The following GMDS variants were observed in gnomAD, a reference collection of about 807,000 sequenced individuals.
GMDS encodes the protein GDP-mannose 4,6 dehydratase.
A neutral mutation model predicts 49.9 loss-of-function variants in GMDS; 20 were observed. That is an observed-to-expected ratio of 0.40 (90% confidence interval 0.28 to 0.58). GMDS has a LOEUF of 0.58. Ranked by LOEUF, GMDS falls within the 20% of genes least tolerant of loss-of-function variation. The pLI, the probability that GMDS is intolerant of heterozygous loss-of-function variation, is 0.42. For missense variants in GMDS, 362 were observed against 481.4 expected, an observed-to-expected ratio of 0.75 and a Z score of 2.32; for synonymous variants, 177 against 178.6, an observed-to-expected ratio of 0.99 and a Z score of 0.07.
chr6:1,709,886 C>T (rs1368254824), intron 9 of GMDS, among the ~76,000 whole-genome samples: 1 of 152,190 alleles, frequency 6.6e-6, no homozygotes, highest in African/African-American at 2.4e-5. Context: ...CTAAACCTGC[C>T]TAACTCGACT....
intron 6 of GMDS, among the ~76,000 whole-genome samples, chr6:1,946,943 C>A (rs965006336): frequency 7.2e-5 from 11 of 152,216 alleles, no homozygotes; most frequent in African/African-American, 2.4e-4. Flanking sequence ...ATTTTAATAA[C>A]CATCAATCTT....
intron 9 of GMDS, among the ~76,000 whole-genome samples, chr6:1,683,950 G>C (rs1043921696): frequency 1.3e-5 from 2 of 149,600 alleles, no homozygotes; most frequent in African/African-American, 4.9e-5. Flanking sequence ...TCAGCTATGA[G>C]GGTGGGGTTT....
intron 1 of GMDS, among the ~76,000 whole-genome samples, chr6:2,243,495 C>G (rs955436147): frequency 6.6e-6 from 1 of 152,118 alleles, no homozygotes; most frequent in Non-Finnish European, 1.5e-5. Flanking sequence ...ATTAGGTAAA[C>G]TTGGTAAACA....
rs1442214227 is a variant in GMDS, at chr6:2,052,126, AAAAAG to A, written c.345+63640_345+63644del. Among the ~76,000 whole-genome samples the A allele has an allele frequency of 3.0e-3, 417 of 140,902 alleles. 14 individuals carry two copies. The highest frequency in any genetic ancestry group is 6.7e-3 in the African/African-American group (232 of 34,878). 92.4% of individuals were successfully genotyped at this position (140,902 alleles called of 152,430 possible). A position where few individuals can be genotyped will look rare whatever the true frequency, so the allele number is the denominator to read the frequency against. On this transcript the variant is annotated intron_variant, in intron 4 of 10. Transcript: ENST00000380815. ...AGCAAGACTCTGTCTCAAAAAAAAA[AAAAAG>A]AAAAAAAAAAAACAGAAAAGAAAAA...
chr6:2,096,865 TATTAC>T (rs1234297544), intron 4 of GMDS, among the ~76,000 whole-genome samples: 1 of 152,154 alleles, frequency 6.6e-6, no homozygotes, highest in African/African-American at 2.4e-5. Context: ...TGTGTACGTA[TATTAC>T]ATGTATGTGT....
chr6:1,986,114 T>A (rs865778302), intron 4 of GMDS, among the ~76,000 whole-genome samples: 17 of 152,242 alleles, frequency 1.1e-4, no homozygotes, highest in African/African-American at 3.9e-4. Context: ...ATAACATTGC[T>A]TTCCTTGAAG....
chr6:1,646,881 G>A (rs948638352), intron 9 of GMDS, among the ~76,000 whole-genome samples: 1 of 152,200 alleles, frequency 6.6e-6, no homozygotes, highest in Middle Eastern at 3.2e-3. Context: ...CATGTGGTGG[G>A]GGGTGGGGTG....
intron 9 of GMDS, among the ~76,000 whole-genome samples, chr6:1,702,582 A>G (rs184951267): frequency 5.7e-4 from 87 of 152,348 alleles, no homozygotes; most frequent in Admixed American, 4.8e-3. Context: ...AGAGCCTTGG[A>G]GAGAAGCCAC....
At chr6:1,779,602 G>A (rs551971768) in intron 7 of GMDS, among the ~76,000 whole-genome samples, 10 of 152,190 alleles carry the variant, frequency 6.6e-5, no homozygotes, top group East Asian at 3.9e-4. Flanking sequence ...GTGTGAAAAC[G>A]AATGTCCTCT....
chr6:2,060,596 C>T (rs536942647), intron 4 of GMDS, among the ~76,000 whole-genome samples: 132 of 152,146 alleles, frequency 8.7e-4, no homozygotes, highest in African/African-American at 3.0e-3. Flanking sequence ...GAAGAATAAA[C>T]AACAGATAAG....
At chr6:1,828,388 A>G (rs929601016) in intron 7 of GMDS, among the ~76,000 whole-genome samples, 4 of 152,212 alleles carry the variant, frequency 2.6e-5, no homozygotes, top group African/African-American at 9.6e-5. Context: ...TTGAAGAAGT[A>G]ATGGTTGATA....
intron 7 of GMDS, among the ~76,000 whole-genome samples, chr6:1,810,885 A>G (rs1269231391): frequency 6.6e-6 from 1 of 152,230 alleles, no homozygotes; most frequent in Non-Finnish European, 1.5e-5. Flanking sequence ...AATGGAAACT[A>G]AAAACATACC....
chr6:1,643,659 A>G (rs1170651790), intron 9 of GMDS, among the ~76,000 whole-genome samples: 1 of 151,796 alleles, frequency 6.6e-6, no homozygotes, highest in Non-Finnish European at 1.5e-5. Flanking sequence ...GGTGGGGGGG[A>G]CACTGGGGAC....
intron 7 of GMDS, among the ~76,000 whole-genome samples, chr6:1,849,659 CTGT>C (rs796267032): frequency 4.6e-5 from 7 of 152,264 alleles, no homozygotes; most frequent in African/African-American, 1.7e-4. Context: ...CCTAGAATTA[CTGT>C]TGTTGTAGCT....
At chr6:1,702,336 T>C (rs1386479915) in intron 9 of GMDS, among the ~76,000 whole-genome samples, 2 of 152,242 alleles carry the variant, frequency 1.3e-5, no homozygotes, top group Non-Finnish European at 2.9e-5. Context: ...AGTCAGAGCA[T>C]AGCCTGGCCT....
chr6:1,782,711 A>G (rs1052172490), intron 7 of GMDS, among the ~76,000 whole-genome samples: 1 of 152,268 alleles, frequency 6.6e-6, no homozygotes, highest in Non-Finnish European at 1.5e-5. Context: ...GGGTGAAATG[A>G]GAACATAGAT....
chr6:1,792,090 T>A (rs1358163475), intron 7 of GMDS, among the ~76,000 whole-genome samples: 1 of 152,210 alleles, frequency 6.6e-6, no homozygotes, highest in Non-Finnish European at 1.5e-5. Context: ...TTCCCCTCTA[T>A]AATTACTTCT....
chr6:1,686,209 A>G (rs539490529), intron 9 of GMDS, among the ~76,000 whole-genome samples: 1 of 152,298 alleles, frequency 6.6e-6, no homozygotes, highest in East Asian at 1.9e-4. Context: ...CTGAAACCCG[A>G]GATGACGCGG....
rs17134346 is a variant in GMDS, at chr6:1,825,120, G to A, written c.772-82534C>T. The stretch of plus-strand genomic sequence containing the variant: ...TTCACTTGCAGATAAATCGCATTAC[G>A]AAAGTCAGTCACCATTTCAGAGTTG... On this transcript the variant is annotated intron_variant, in intron 7 of 10. Transcript: ENST00000380815. Among the ~76,000 whole-genome samples the A allele has an allele frequency of 3.0e-3, 453 of 152,286 alleles. 9 individuals are homozygous for A. Among genetic ancestry groups the A allele is most frequent in the Admixed American group, 0.019 (289 of 15,304 alleles).
Sources: gnomAD v4.1 joint callset for allele counts (sites outside exome capture counted in the v4.1 genomes callset) on GRCh38, gnomAD v4.1.1 for gene constraint, MANE v1.5 for transcripts, NCBI Gene and HGNC (gene_info 2026-07-23, HGNC 2026-07-21) for gene names.